RLN3: variants seen among roughly 807,000 people sequenced by gnomAD.
The protein encoded by RLN3 is relaxin 3.
A neutral mutation model predicts 10.2 loss-of-function variants in RLN3; 13 were observed. The ratio of observed to expected loss-of-function variants is 1.28; its 90% CI spans 0.83 to 2.03. The LOEUF (loss-of-function observed/expected upper bound fraction) is 2.03, where lower values mean the gene tolerates loss of function less well. RLN3 is among the 30% of genes most tolerant of loss of function. RLN3 has a pLI of 0.00. For missense variants in RLN3, 191 were observed against 187.2 expected, an observed-to-expected ratio of 1.02 and a Z score of -0.12; for synonymous variants, 56 against 79.2, an observed-to-expected ratio of 0.71 and a Z score of 1.56.
At chr19:14,030,132 T>C in intron 1 of RLN3, 1 of 585,416 alleles carries the variant, frequency 1.7e-6, no homozygotes, top group East Asian at 2.9e-5. Flanking sequence ...TCAATAGTCA[T>C]TTTTGAGTGC....
chr19:14,030,721 C>A lies in RLN3; in HGVS notation c.202C>A (p.Pro68Thr), dbSNP rs765845568. The change falls in exon 2 of 2, where the codon CCG (proline) becomes ACG (threonine). Residue 68 changes from proline (P) to threonine (T), a missense_variant. Pro to Thr is a conservative substitution (Grantham distance 38). Coordinates refer to ENST00000431365, the MANE Select transcript of RLN3 (RefSeq NM_080864.4). ...LAHEAMGDTFPDADADEDSLA... is the reference protein window; with the variant it reads ...LAHEAMGDTFTDADADEDSLA... ...TTCATCTTTTGCAGGAGATACCTTC[C>A]CGGATGCAGATGCTGATGAAGACAG... 6.2e-7 allele frequency: 1 copy of A among 1,614,126 alleles called. No individual in the cohort carries two copies. The highest frequency in any genetic ancestry group is 1.7e-5 in the Admixed American group (1 of 60,012).
intron 1 of RLN3, among the ~76,000 whole-genome samples, chr19:14,029,626 C>T (rs1975766474): frequency 6.6e-6 from 1 of 151,930 alleles, no homozygotes; most frequent in Non-Finnish European, 1.5e-5. Context: ...GCTGGGATTA[C>T]AGGCATGAGC....
rs771029520 is a variant in RLN3, at chr19:14,030,738, T to C, written c.219T>C (p.Asp73=). The change falls in exon 2 of 2, where the codon GAT becomes GAC. Residue 73 remains aspartate (D), a synonymous_variant. Coordinates refer to ENST00000431365, the MANE Select transcript of RLN3 (RefSeq NM_080864.4). The part of the protein sequence containing the change: ...MGDTFPDADA[D]EDSLAGELDE... ...ATACCTTCCCGGATGCAGATGCTGA[T>C]GAAGACAGTCTGGCAGGCGAGCTGG... is the stretch of plus-strand genomic sequence containing the variant. 6.2e-6 allele frequency: 10 copies of C among 1,614,106 alleles called. No individual in the cohort carries two copies. The East Asian group carries it at 1.1e-4, about 18-fold the overall frequency.
chr19:14,030,503 C>A, intron 1 of RLN3: 1 of 647,170 alleles, frequency 1.5e-6, no homozygotes, highest in East Asian at 2.7e-5. Context: ...TATAACAATA[C>A]AAAAATCAGC....
Position 14,031,255 on chromosome 19 carries a change from T to G in RLN3, c.*307T>G. ...CCATGCGTTTGCCTGGCCTACACAC[T>G]CCACTGCCACAACTGGGTCCCTACT... On this transcript the variant is annotated 3_prime_UTR_variant, in exon 2 of 2. Coordinates refer to ENST00000431365, the MANE Select transcript of RLN3 (RefSeq NM_080864.4). 1 of 332,282 alleles carries G rather than the reference T, an allele frequency of 3.0e-6. No individual in the cohort carries two copies. The highest frequency in any genetic ancestry group is 5.0e-5 in the South Asian group (1 of 19,854). The allele number at this position is 332,282 out of a possible 1,614,324, so 20.6% of individuals were successfully genotyped here.
At chr19:14,028,967 A>G (rs1375657296) in intron 1 of RLN3, among the ~76,000 whole-genome samples, 2 of 151,938 alleles carry the variant, frequency 1.3e-5, no homozygotes, top group Admixed American at 6.6e-5. Flanking sequence ...TTGTAGAAAC[A>G]GGGGTCTCAC....
At chr19:14,029,334 G>A (rs1265212860) in intron 1 of RLN3, among the ~76,000 whole-genome samples, 2 of 151,732 alleles carry the variant, frequency 1.3e-5, no homozygotes, top group African/African-American at 4.8e-5. Flanking sequence ...CAATGTAATA[G>A]TTGTGTGTTC....
chr19:14,031,009 C>A lies in RLN3; in HGVS notation c.*61C>A. On this transcript the variant is annotated 3_prime_UTR_variant, in exon 2 of 2. Coordinates refer to ENST00000431365, the MANE Select transcript of RLN3 (RefSeq NM_080864.4). ...TGCCCCAGTCCTGCCATCCACTCAACTAGTGTCTGGCTGGGCACCTGTCTT... is the reference window on the plus strand; with the variant it reads ...TGCCCCAGTCCTGCCATCCACTCAAATAGTGTCTGGCTGGGCACCTGTCTT... 1 of 1,162,678 alleles carries A rather than the reference C, an allele frequency of 8.6e-7. No individual in the cohort carries two copies. 72.0% of individuals were successfully genotyped at this position (1,162,678 alleles called of 1,614,324 possible).
Position 14,031,109 on chromosome 19 carries a change from C to T in RLN3, c.*161C>T. The T allele has an allele frequency of 1.6e-6, 1 of 618,534 alleles. No homozygotes were observed. Among genetic ancestry groups the T allele is most frequent in the Non-Finnish European group, 2.9e-6 (1 of 350,186 alleles). 38.3% of individuals were successfully genotyped at this position (618,534 alleles called of 1,614,324 possible). Reference sequence around the variant, plus strand: ...GGGCTCAGGCACAGTCTCCCGACACCACCTATCCAACCCTGCCCTTTGACC... The same window carrying T: ...GGGCTCAGGCACAGTCTCCCGACACTACCTATCCAACCCTGCCCTTTGACC... On this transcript the variant is annotated 3_prime_UTR_variant, in exon 2 of 2. Transcript: ENST00000431365.
At chr19:14,029,328 G>C (rs1419594575) in intron 1 of RLN3, among the ~76,000 whole-genome samples, 2 of 151,746 alleles carry the variant, frequency 1.3e-5, no homozygotes, top group African/African-American at 4.8e-5. Context: ...GCTCTACAAT[G>C]TAATAGTTGT....
Position 14,028,267 on chromosome 19 carries a change from G to T in RLN3, c.63G>T (p.Pro21=). 1 of 1,613,316 alleles carries T rather than the reference G, an allele frequency of 6.2e-7. No individual in the cohort carries two copies. The highest frequency in any genetic ancestry group is 8.5e-7 in the Non-Finnish European group (1 of 1,179,748). The change falls in exon 1 of 2, where the codon CCG becomes CCT. Residue 21 remains proline (P), a synonymous_variant. Coordinates refer to ENST00000431365, the MANE Select transcript of RLN3 (RefSeq NM_080864.4). ...GGGTGCTGACCGGGGAGCTGTGGCC[G>T]GGAGCTGAGGCCCGGGCAGCGCCTT... is the stretch of plus-strand genomic sequence containing the variant. The part of the protein sequence containing the change: ...AVWVLTGELW[P]GAEARAAPYG...
rs775727637 is a variant in RLN3 at position 14,030,760 on chromosome 19, C to T, written c.241C>T (p.Leu81=). The change falls in exon 2 of 2, where the codon CTG becomes TTG. Residue 81 remains leucine, a synonymous_variant. Coordinates refer to ENST00000431365, the MANE Select transcript of RLN3 (RefSeq NM_080864.4). ...DADEDSLAGE[L]DEAMGSSEWL... Reference sequence around the variant, plus strand: ...TGATGAAGACAGTCTGGCAGGCGAGCTGGATGAGGCCATGGGGTCCAGCGA... The same window carrying T: ...TGATGAAGACAGTCTGGCAGGCGAGTTGGATGAGGCCATGGGGTCCAGCGA... 1 of 1,614,106 alleles carries T rather than the reference C, an allele frequency of 6.2e-7. No homozygotes were observed. The highest frequency in any genetic ancestry group is 1.3e-5 in the African/African-American group (1 of 74,934).
rs1324262272 is a variant in RLN3 at position 14,028,334 on chromosome 19, A to G, written c.130A>G (p.Ile44Val). 1 of 1,613,924 alleles carries G rather than the reference A, an allele frequency of 6.2e-7. No homozygotes were observed. The highest frequency in any genetic ancestry group is 8.5e-7 in the Non-Finnish European group (1 of 1,179,986). ...LCGREFIRAVIFTCGGSRWRR... is the reference protein window; with the variant it reads ...LCGREFIRAVVFTCGGSRWRR... Reference sequence around the variant, plus strand: ...CGGCCGAGAATTCATCCGAGCAGTCATCTTCACCTGCGGGGGCTCCCGGTG... The same window carrying G: ...CGGCCGAGAATTCATCCGAGCAGTCGTCTTCACCTGCGGGGGCTCCCGGTG... Residue 44 changes from isoleucine to valine, a missense_variant, in exon 1 of 2, where the codon ATC (isoleucine) becomes GTC (valine). By Grantham distance (29) the Ile-to-Val change is conservative (BLOSUM62 3). Coordinates refer to ENST00000431365, the MANE Select transcript of RLN3 (RefSeq NM_080864.4).
At chr19:14,030,573 C>T in intron 1 of RLN3, 137 bp from the exon 2 acceptor site, 1 of 836,702 alleles carries the variant, frequency 1.2e-6, no homozygotes, top group South Asian at 1.5e-5. Context: ...AATTTGAACC[C>T]AGGACTGGGT....
At chr19:14,028,896 T>C (rs1482487537) in intron 1 of RLN3, among the ~76,000 whole-genome samples, 1 of 152,020 alleles carries the variant, frequency 6.6e-6, no homozygotes, top group Non-Finnish European at 1.5e-5. Flanking sequence ...TGCCTCCGCC[T>C]CCAGAGTAGT....
intron 1 of RLN3, among the ~76,000 whole-genome samples, chr19:14,029,455 G>A (rs768463900): frequency 4.0e-5 from 6 of 151,446 alleles, no homozygotes; most frequent in Non-Finnish European, 7.4e-5. Context: ...GGGTTCAAGC[G>A]ATTCTCGTGC....
rs1276837154 is a variant in RLN3 at position 14,028,793 on chromosome 19, G to C, written c.190+399G>C. On this transcript the variant is annotated intron_variant, in intron 1 of 1. Transcript: ENST00000431365. The stretch of plus-strand genomic sequence containing the variant: ...TCCGTCTCTGAGTGTCTTTTTTTTG[G>C]AGATGTGGTCTCACTCCATTGCCCA... 2.0e-5 allele frequency among the ~76,000 whole-genome samples: 3 copies of C among 151,798 alleles called. No homozygotes were observed. In the East Asian group the frequency reaches 5.8e-4, roughly 29 times the overall value.
chr19:14,029,543 G>T (rs1172783478), intron 1 of RLN3, among the ~76,000 whole-genome samples: 1 of 151,602 alleles, frequency 6.6e-6, no homozygotes, highest in African/African-American at 2.4e-5. Context: ...AGTAGAGACA[G>T]TTTCACCATG....
At position 14,030,734 on chromosome 19, in the gene RLN3, C is replaced by T; in HGVS notation, c.215C>T (p.Ala72Val). Residue 72 changes from alanine (A) to valine (V), a missense_variant, in exon 2 of 2, where the codon GCT becomes GTT. By Grantham distance (64) the Ala-to-Val change is moderately conservative. Transcript: ENST00000431365. ...GGAGATACCTTCCCGGATGCAGATG[C>T]TGATGAAGACAGTCTGGCAGGCGAG... ...AMGDTFPDAD[A>V]DEDSLAGELD... is the part of the protein sequence containing the mutation. 1 of 1,614,240 alleles carries T rather than the reference C, an allele frequency of 6.2e-7. No individual in the cohort carries two copies. Among genetic ancestry groups the T allele is most frequent in the Non-Finnish European group, 8.5e-7 (1 of 1,180,034 alleles).
Sources: gnomAD v4.1 joint callset for allele counts (sites outside exome capture counted in the v4.1 genomes callset) on GRCh38, gnomAD v4.1.1 for gene constraint, MANE v1.5 for transcripts, NCBI Gene and HGNC (gene_info 2026-07-23, HGNC 2026-07-21) for gene names.